Variants in R3HDM2 observed in about 807,000 individuals in gnomAD.
The protein encoded by R3HDM2 is R3H domain-containing protein 2.
Under a neutral mutation model 124.5 loss-of-function variants are expected in R3HDM2, and 38 were observed. The ratio of observed to expected loss-of-function variants is 0.31; its 90% CI spans 0.24 to 0.40. R3HDM2 has a LOEUF of 0.40. R3HDM2 is among the 10% of genes least tolerant of loss of function. The pLI, the probability that R3HDM2 is intolerant of heterozygous loss-of-function variation, is 1.00. For missense variants in R3HDM2, 869 were observed against 1,236.9 expected, an observed-to-expected ratio of 0.70 and a Z score of 4.46; for synonymous variants, 391 against 448.0, an observed-to-expected ratio of 0.87 and a Z score of 1.61.
intron 1 of R3HDM2, among the ~76,000 whole-genome samples, chr12:57,422,357 T>C (rs919920039): frequency 6.6e-6 from 1 of 152,156 alleles, no homozygotes; most frequent in African/African-American, 2.4e-5. Context: ...GGCACCTAGG[T>C]ACCTCTCTAG....
chr12:57,289,789 G>A (rs1429025896), intron 11 of R3HDM2, among the ~76,000 whole-genome samples: 1 of 152,220 alleles, frequency 6.6e-6, no homozygotes. Context: ...AGAGAAGGCT[G>A]CAGCAGCAGC....
chr12:57,302,031 G>A (rs1293550363), intron 4 of R3HDM2, among the ~76,000 whole-genome samples: 6 of 150,150 alleles, frequency 4.0e-5, no homozygotes, highest in Admixed American at 2.0e-4. Flanking sequence ...CTGTAAACCC[G>A]GCACTTTGGG....
At chr12:57,270,430 GT>G (rs1001625404) in intron 14 of R3HDM2, among the ~76,000 whole-genome samples, 5 of 137,358 alleles carry the variant, frequency 3.6e-5, no homozygotes, top group African/African-American at 1.3e-4. Flanking sequence ...GTTTTGTTTT[GT>G]TTTTTGTTTT....
At chr12:57,312,026 T>C (rs2054023154) in intron 2 of R3HDM2, among the ~76,000 whole-genome samples, 2 of 152,230 alleles carry the variant, frequency 1.3e-5, no homozygotes, top group African/African-American at 4.8e-5. Context: ...TTTCTCCTTA[T>C]ACAGGTTACT....
chr12:57,334,162 T>G (rs1171167887), intron 2 of R3HDM2, among the ~76,000 whole-genome samples: 2 of 152,350 alleles, frequency 1.3e-5, no homozygotes, highest in South Asian at 4.1e-4. Flanking sequence ...GCAGCTCAAT[T>G]CACAGATAGG....
At chr12:57,356,490 C>T (rs895711946) in intron 2 of R3HDM2, among the ~76,000 whole-genome samples, 3 of 152,174 alleles carry the variant, frequency 2.0e-5, no homozygotes, top group Non-Finnish European at 4.4e-5. Context: ...CTTTAATTTA[C>T]TAAAACTTTG....
chr12:57,330,846 C>A (rs2058082256), intron 2 of R3HDM2, among the ~76,000 whole-genome samples: 1 of 151,256 alleles, frequency 6.6e-6, no homozygotes, highest in Admixed American at 6.6e-5. Flanking sequence ...CTACAGGCAC[C>A]CGCCACCACG....
At chr12:57,292,451 T>C (rs2048859694) in intron 11 of R3HDM2, 121 bp downstream of exon 11, 2 of 663,620 alleles carry the variant, frequency 3.0e-6, no homozygotes, top group African/African-American at 1.8e-5. Context: ...TTGGCTGATG[T>C]TGGTTAAAAT....
chr12:57,259,211 G>A, intron 19 of R3HDM2, 152 bp from the exon 20 acceptor site: 2 of 732,414 alleles, frequency 2.7e-6, no homozygotes, highest in Admixed American at 3.1e-5. Context: ...GGCTGCTGAT[G>A]TGGCTTCTGA....
intron 2 of R3HDM2, among the ~76,000 whole-genome samples, chr12:57,330,043 C>T (rs532660628): frequency 2.4e-4 from 36 of 152,102 alleles, no homozygotes; most frequent in East Asian, 9.7e-4. Context: ...CTCGGCTCAC[C>T]GCAACCTCCG....
In R3HDM2 at chr12:57,265,958, A is replaced by G. The variant is rs555318713; in HGVS notation, c.2131+773T>C. ...ATTACAGATGCACGCCACCATGCCC[A>G]GCTAATTTTTGTATTTTTAATAGAA... On this transcript the variant is annotated intron_variant, in intron 19 of 23. Coordinates refer to ENST00000402412, the MANE Select transcript of R3HDM2 (RefSeq NM_001394031.1). Among the ~76,000 whole-genome samples, 5 of 151,554 alleles carry G rather than the reference A, an allele frequency of 3.3e-5. No individual in the cohort carries two copies. In the East Asian group the frequency reaches 9.8e-4, roughly 30 times the overall value.
At chr12:57,376,036 C>T (rs1416371639) in intron 2 of R3HDM2, among the ~76,000 whole-genome samples, 24 of 152,210 alleles carry the variant, frequency 1.6e-4, no homozygotes. Context: ...TCTGTAAACC[C>T]AGGCTTTCTT....
intron 1 of R3HDM2, among the ~76,000 whole-genome samples, chr12:57,414,411 A>T (rs368212575): frequency 4.7e-5 from 7 of 148,226 alleles, no homozygotes; most frequent in African/African-American, 1.7e-4. Context: ...GAACTGCTTG[A>T]ACCTGGGAGG....
chr12:57,312,668 C>T (rs552514592), intron 2 of R3HDM2, among the ~76,000 whole-genome samples: 4 of 152,072 alleles, frequency 2.6e-5, no homozygotes, highest in South Asian at 4.2e-4. Context: ...GTCAGGAGTT[C>T]GAGACCAGCC....
At chr12:57,368,879 A>T (rs2062982541) in intron 2 of R3HDM2, among the ~76,000 whole-genome samples, 1 of 152,114 alleles carries the variant, frequency 6.6e-6, no homozygotes, top group South Asian at 2.1e-4. Context: ...CAAACTCTGC[A>T]GTTCCAAAAG....
intron 3 of R3HDM2, among the ~76,000 whole-genome samples, chr12:57,303,739 G>A (rs1395800309): frequency 6.6e-6 from 1 of 151,994 alleles, no homozygotes; most frequent in African/African-American, 2.4e-5. Flanking sequence ...CCGAGATCAC[G>A]CTACTGCACT....
chr12:57,298,024 C>T (rs1305176429), intron 7 of R3HDM2, 66 bp downstream of exon 7: 13 of 1,159,624 alleles, frequency 1.1e-5, no homozygotes, highest in African/African-American at 3.1e-5. Flanking sequence ...TCTGGGAAGC[C>T]GTTTGGCCTC....
At chr12:57,405,027 CCTTT>C (rs1435141212) in intron 1 of R3HDM2, among the ~76,000 whole-genome samples, 2 of 151,666 alleles carry the variant, frequency 1.3e-5, no homozygotes, top group Admixed American at 6.6e-5. Flanking sequence ...ATACTTTTTT[CCTTT>C]CTTTCTCTTT....
chr12:57,314,204 G>T (rs2054557375), intron 2 of R3HDM2, among the ~76,000 whole-genome samples: 1 of 149,794 alleles, frequency 6.7e-6, no homozygotes, highest in Admixed American at 6.7e-5. Flanking sequence ...AAAAAATCAG[G>T]CACGGTAGCT....
Sources: gnomAD v4.1 joint callset for allele counts (sites outside exome capture counted in the v4.1 genomes callset) on GRCh38, gnomAD v4.1.1 for gene constraint, MANE v1.5 for transcripts, NCBI Gene and HGNC (gene_info 2026-07-23, HGNC 2026-07-21) for gene names.